TMEFF2: variants seen among roughly 807,000 people sequenced by gnomAD.
TMEFF2 encodes tomoregulin-2.
TMEFF2 carries 28 observed loss-of-function variants against 53.8 expected under a neutral mutation model. The ratio of observed to expected loss-of-function variants is 0.52; its 90% confidence interval spans 0.39 to 0.71. The LOEUF is 0.71. Ranked by LOEUF, TMEFF2 falls within the 30% of genes least tolerant of loss-of-function variation. The pLI is 0.00. For missense variants in TMEFF2, 353 were observed against 455.2 expected (o/e 0.78, Z 2.04); for synonymous variants, 162 against 166.3 (o/e 0.97, Z 0.20).
chr2:192,130,636 G>A (rs1689797319), intron 4 of TMEFF2, among the ~76,000 whole-genome samples: 1 of 151,454 alleles, frequency 6.6e-6, no homozygotes, highest in Admixed American at 6.6e-5. Context: ...CTGCCCACCA[G>A]AGAACAACCC....
intron 4 of TMEFF2, among the ~76,000 whole-genome samples, chr2:192,072,493 T>A (rs1416836653): frequency 6.6e-6 from 1 of 151,984 alleles, no homozygotes; most frequent in African/African-American, 2.4e-5. Context: ...ACCAAATTCA[T>A]ACCCACACAA....
In TMEFF2 at chr2:191,964,406, T is replaced by TTC. The variant is rs1213210056; in HGVS notation, c.746-8030_746-8029dup. Among the ~76,000 whole-genome samples, 672 of 105,186 alleles carry TTC rather than the reference T, an allele frequency of 6.4e-3. 3 individuals are homozygous for TTC. The highest frequency in any genetic ancestry group is 9.5e-3 in the Middle Eastern group (2 of 210). The allele number at this position is 105,186 out of a possible 152,430, so 69.0% of individuals were successfully genotyped here. On this transcript the variant is annotated intron_variant, in intron 7 of 9. Coordinates refer to ENST00000272771, the MANE Select transcript of TMEFF2 (RefSeq NM_016192.4). ...TCTTTCTTTCTTTCTTTCTCTTTCT[T>TTC]TCTTTCTTTCTTTCTTTCTTTCTTT...
At chr2:192,087,133 A>G (rs1574360668) in intron 4 of TMEFF2, among the ~76,000 whole-genome samples, 1 of 151,820 alleles carries the variant, frequency 6.6e-6, no homozygotes, top group East Asian at 1.9e-4. Context: ...AGCTCCAGGA[A>G]AAAAATCCAG....
chr2:192,054,182 A>C (rs145678621), intron 5 of TMEFF2, among the ~76,000 whole-genome samples: 12 of 151,272 alleles, frequency 7.9e-5, no homozygotes, highest in African/African-American at 2.7e-4. Flanking sequence ...GGGGCATACA[A>C]GATATCATAG....
chr2:192,147,813 C>A (rs2105997033), intron 4 of TMEFF2, among the ~76,000 whole-genome samples: 1 of 152,092 alleles, frequency 6.6e-6, no homozygotes, highest in East Asian at 1.9e-4. Flanking sequence ...ATGCAGCATG[C>A]AGTTTGCTTT....
intron 2 of TMEFF2, among the ~76,000 whole-genome samples, chr2:192,186,904 C>T (rs1446604544): frequency 2.6e-5 from 4 of 152,078 alleles, no homozygotes; most frequent in African/African-American, 4.8e-5. Context: ...CTTAAAATAT[C>T]GAATAAACTG....
chr2:192,188,144 A>G (rs1691360955), intron 2 of TMEFF2, among the ~76,000 whole-genome samples: 3 of 152,234 alleles, frequency 2.0e-5, no homozygotes, highest in Admixed American at 1.3e-4. Flanking sequence ...TGGCCATTCC[A>G]TAAGTAATTT....
chr2:192,061,089 C>G (rs1688033067), intron 4 of TMEFF2, among the ~76,000 whole-genome samples: 1 of 152,138 alleles, frequency 6.6e-6, no homozygotes, highest in Admixed American at 6.6e-5. Flanking sequence ...CCATCACCAC[C>G]CTGTTCTTCT....
chr2:191,998,681 AATCAATAC>A (rs1285748226), intron 6 of TMEFF2, among the ~76,000 whole-genome samples: 1 of 149,400 alleles, frequency 6.7e-6, no homozygotes, highest in African/African-American at 2.6e-5. Flanking sequence ...ATTTGTACTG[AATCAATAC>A]ATAAAAATGA....
intron 7 of TMEFF2, among the ~76,000 whole-genome samples, chr2:191,963,514 C>T (rs1057148845): frequency 2.0e-5 from 3 of 152,168 alleles, no homozygotes; most frequent in Non-Finnish European, 4.4e-5. Flanking sequence ...CAAGACAAAC[C>T]TCCTCAGGTG....
chr2:192,007,875 G>T (rs34213493), intron 5 of TMEFF2, among the ~76,000 whole-genome samples: 5 of 152,120 alleles, frequency 3.3e-5, no homozygotes, highest in Non-Finnish European at 7.4e-5. Flanking sequence ...TTGGTGGCTC[G>T]CTACTTAAGG....
chr2:192,042,889 C>G (rs1439218454), intron 5 of TMEFF2, among the ~76,000 whole-genome samples: 1 of 152,156 alleles, frequency 6.6e-6, no homozygotes, highest in Non-Finnish European at 1.5e-5. Context: ...AGAAGATGTA[C>G]CTTCTACCCA....
intron 2 of TMEFF2, among the ~76,000 whole-genome samples, chr2:192,188,335 A>G (rs1326046571): frequency 1.3e-5 from 2 of 152,124 alleles, no homozygotes; most frequent in Non-Finnish European, 2.9e-5. Context: ...CTCAGCCACT[A>G]TGCTATGAGG....
Position 191,955,548 on chromosome 2 carries a change from T to TA in TMEFF2, c.869+706dup, listed in dbSNP as rs1290926101. Among the ~76,000 whole-genome samples, 5 of 145,346 alleles carry TA rather than the reference T, an allele frequency of 3.4e-5. 1 individual carries two copies. The highest frequency in any genetic ancestry group is 3.0e-5 in the Non-Finnish European group (2 of 66,502). ...AATTTTTTTTTTTTTTTTTTTTTTTTAGAGATAGGATCTCCCTTTGTTGCC... is the reference window on the plus strand; with the variant it reads ...AATTTTTTTTTTTTTTTTTTTTTTTTAAGAGATAGGATCTCCCTTTGTTGCC... On this transcript the variant is annotated intron_variant, in intron 8 of 9. Coordinates refer to ENST00000272771, the MANE Select transcript of TMEFF2 (RefSeq NM_016192.4).
At chr2:191,953,442 G>A (rs970763307) in intron 9 of TMEFF2, among the ~76,000 whole-genome samples, 2 of 151,958 alleles carry the variant, frequency 1.3e-5, no homozygotes, top group African/African-American at 4.8e-5. Context: ...AGTTCAAGCA[G>A]GTAAAAAAAA....
intron 4 of TMEFF2, among the ~76,000 whole-genome samples, chr2:192,176,167 G>A (rs72920015): frequency 0.014 from 2,068 of 151,264 alleles, 22 homozygotes; most frequent in Non-Finnish European, 0.02. Flanking sequence ...AACACCAATC[G>A]TTTTCTTTCT....
rs1691437155 is a variant in TMEFF2 at position 192,190,540 on chromosome 2, A to C, written c.282+1340T>G. 1.3e-5 allele frequency among the ~76,000 whole-genome samples: 2 copies of C among 152,098 alleles called. 1 individual carries two copies. The highest frequency in any genetic ancestry group is 4.2e-4 in the South Asian group (2 of 4,814). On this transcript the variant is annotated intron_variant, in intron 2 of 9. Coordinates refer to ENST00000272771, the MANE Select transcript of TMEFF2 (RefSeq NM_016192.4). ...TGTTTAATGTGGCTGCAGACCTTAG[A>C]AGTTGACGTTACATGCATATTAAAT...
rs573750376 is a variant in TMEFF2 at position 192,141,029 on chromosome 2, A to G, written c.439+38639T>C. Among the ~76,000 whole-genome samples, 6 of 152,282 alleles carry G rather than the reference A, an allele frequency of 3.9e-5. No homozygotes were observed. The East Asian group carries it at 1.2e-3, about 29-fold the overall frequency. On this transcript the variant is annotated intron_variant, in intron 4 of 9. Transcript: ENST00000272771. ...TGGAGTCTTTATCCTAAATATGCTTATGATCTTATAATGGAGCTAAGGTAT... is the reference window on the plus strand; with the variant it reads ...TGGAGTCTTTATCCTAAATATGCTTGTGATCTTATAATGGAGCTAAGGTAT...
chr2:192,010,203 T>C (rs1686591977), intron 5 of TMEFF2, among the ~76,000 whole-genome samples: 1 of 152,184 alleles, frequency 6.6e-6, no homozygotes, highest in South Asian at 2.1e-4. Flanking sequence ...CAAAAACACA[T>C]GGTGGCATTT....
Sources: gnomAD v4.1 joint callset for allele counts (sites outside exome capture counted in the v4.1 genomes callset) on GRCh38, gnomAD v4.1.1 for gene constraint, MANE v1.5 for transcripts, NCBI Gene and HGNC (gene_info 2026-07-23, HGNC 2026-07-21) for gene names.